The following SCOC variants were observed in gnomAD, a reference collection of about 807,000 sequenced individuals.
The protein encoded by SCOC is short coiled-coil protein, also known as short coiled coil protein.
A neutral mutation model predicts 9.9 loss-of-function variants in SCOC; 7 were observed. The observed-to-expected ratio is 0.71, with a 90% CI of 0.40 to 1.33. The LOEUF is 1.33. Ranked by LOEUF, SCOC falls within the 40% of genes most tolerant of loss-of-function variation. The pLI, the probability that SCOC is intolerant of heterozygous loss-of-function variation, is 0.01. For synonymous variants in SCOC, 19 were observed against 28.2 expected (o/e 0.67, Z 1.03); for missense variants, 66 against 89.7 (o/e 0.74, Z 1.07).
At chr4:140,277,909 T>A (rs1731020855) in intron 1 of SCOC, among the ~76,000 whole-genome samples, 1 of 152,160 alleles carries the variant, frequency 6.6e-6, no homozygotes, top group South Asian at 2.1e-4. Context: ...GTAAAACAAA[T>A]GCAAAAATAA....
intron 1 of SCOC, among the ~76,000 whole-genome samples, chr4:140,291,753 T>C (rs1214128569): frequency 6.6e-6 from 1 of 152,194 alleles, no homozygotes; most frequent in Non-Finnish European, 1.5e-5. Context: ...ATCCATCTGA[T>C]TTCTCAGCTC....
chr4:140,266,201 A>G (rs115654901), intron 1 of SCOC, among the ~76,000 whole-genome samples: 172 of 152,300 alleles, frequency 1.1e-3, no homozygotes, highest in Non-Finnish European at 2.1e-3. Context: ...ATAATGTCAT[A>G]CCTAGAAGAT....
chr4:140,301,058 G>T (rs1385463384), intron 1 of SCOC, among the ~76,000 whole-genome samples: 2 of 152,132 alleles, frequency 1.3e-5, no homozygotes, highest in Non-Finnish European at 2.9e-5. Context: ...AGGAGCGAAG[G>T]TTGTCAGCTC....
At chr4:140,285,072 C>T in intron 1 of SCOC, 1 of 416,234 alleles carries the variant, frequency 2.4e-6, no homozygotes, top group Admixed American at 2.6e-5. Flanking sequence ...TGCATTATTT[C>T]CCTCACAACA....
chr4:140,289,637 G>A (rs1206749094), intron 1 of SCOC, among the ~76,000 whole-genome samples: 5 of 152,214 alleles, frequency 3.3e-5, no homozygotes, highest in African/African-American at 1.2e-4. Flanking sequence ...CCCAGTGTAA[G>A]TGACTTGTCA....
At chr4:140,329,603 GA>G (rs1221920275) in intron 1 of SCOC, among the ~76,000 whole-genome samples, 4 of 151,778 alleles carry the variant, frequency 2.6e-5, no homozygotes, top group Non-Finnish European at 5.9e-5. Context: ...AAATCAGCAA[GA>G]AAAAAACAAA....
Position 140,373,698 on chromosome 4 carries a change from C to G in SCOC, c.-70C>G, listed in dbSNP as rs1200004666. 3.2e-6 allele frequency: 5 copies of G among 1,549,258 alleles called. No individual in the cohort carries two copies. Among genetic ancestry groups the G allele is most frequent in the Non-Finnish European group, 4.4e-6 (5 of 1,146,854 alleles). ...AGGTGTCGGCCGGATCCCTCCTTCT[C>G]CCGGCGCCTCAAGCGGAAGGTGAGG... On this transcript the variant is annotated 5_prime_UTR_variant, in exon 1 of 4. Transcript: ENST00000608372.
upstream of SCOC, chr4:140,343,380 C>A: frequency 2.8e-6 from 1 of 358,238 alleles, no homozygotes; most frequent in Non-Finnish European, 5.1e-6. Flanking sequence ...CAGGGTACAG[C>A]AGCCGTGCCA....
At chr4:140,286,078 G>A (rs370834834) in intron 1 of SCOC, among the ~76,000 whole-genome samples, 1 of 151,992 alleles carries the variant, frequency 6.6e-6, no homozygotes, top group Non-Finnish European at 1.5e-5. Context: ...CCAGGTGCTC[G>A]GGGGCTAAGG....
intron 1 of SCOC, chr4:140,374,443 A>G (rs1578882365): frequency 3.4e-6 from 1 of 290,212 alleles, no homozygotes; most frequent in Non-Finnish European, 6.8e-6. Context: ...GTATTCTGGT[A>G]CCTCTATTCC....
At chr4:140,305,276 C>G (rs1162289539) in intron 1 of SCOC, among the ~76,000 whole-genome samples, 1 of 152,124 alleles carries the variant, frequency 6.6e-6, no homozygotes, top group African/African-American at 2.4e-5. Flanking sequence ...GCCGTCTTGA[C>G]AAATAGGTAT....
At chr4:140,340,783 C>CTTTTTTTTTTTTTTT (rs36136647), upstream of SCOC, among the ~76,000 whole-genome samples, 108 of 40,446 alleles carry the variant, frequency 2.7e-3, 21 homozygotes, top group South Asian at 5.8e-3. Flanking sequence ...TGCTGCCTAA[C>CTTTTTTTTTTTTTTT]TTTTTTTTTT....
intron 2 of SCOC, among the ~76,000 whole-genome samples, chr4:140,354,004 C>T (rs978823757): frequency 2.0e-5 from 3 of 152,208 alleles, no homozygotes; most frequent in Non-Finnish European, 2.9e-5. Context: ...CGTAGTGTGA[C>T]GTTAGTAAAA....
At chr4:140,294,168 G>C (rs548808091) in intron 1 of SCOC, among the ~76,000 whole-genome samples, 76 of 152,268 alleles carry the variant, frequency 5.0e-4, no homozygotes, top group African/African-American at 1.8e-3. Flanking sequence ...GGACATCCCA[G>C]GTATGTCAGC....
At chr4:140,340,606 T>A (rs1294238497), upstream of SCOC, among the ~76,000 whole-genome samples, 1 of 151,504 alleles carries the variant, frequency 6.6e-6, no homozygotes, top group African/African-American at 2.4e-5. Context: ...GCAAAAGAAA[T>A]CAATAGCCTA....
At chr4:140,280,354 C>T (rs943910469) in intron 1 of SCOC, among the ~76,000 whole-genome samples, 3 of 152,114 alleles carry the variant, frequency 2.0e-5, no homozygotes, top group Non-Finnish European at 4.4e-5. Context: ...ATCTTGAACT[C>T]CTGGGCTCAA....
chr4:140,380,941 G>A (rs199673483), intron 3 of SCOC, 21 bp from the exon 4 acceptor site: 1,294 of 1,487,510 alleles, frequency 8.7e-4, no homozygotes, highest in Non-Finnish European at 1.1e-3. Context: ...TTGATAATGG[G>A]CATTTTTATT....
At chr4:140,323,464 A>C (rs1464946942) in intron 1 of SCOC, among the ~76,000 whole-genome samples, 1 of 152,150 alleles carries the variant, frequency 6.6e-6, no homozygotes, top group Non-Finnish European at 1.5e-5. Context: ...TTCTTAGATA[A>C]AGTCATAAAT....
At chr4:140,298,494 C>T (rs1235269365) in intron 1 of SCOC, among the ~76,000 whole-genome samples, 1 of 152,190 alleles carries the variant, frequency 6.6e-6, no homozygotes, top group Non-Finnish European at 1.5e-5. Context: ...GCAGGCAGAA[C>T]CAACCAAGGT....
Sources: gnomAD v4.1 joint callset for allele counts (sites outside exome capture counted in the v4.1 genomes callset) on GRCh38, gnomAD v4.1.1 for gene constraint, MANE v1.5 for transcripts, NCBI Gene and HGNC (gene_info 2026-07-23, HGNC 2026-07-21) for gene names.